UNC5C: variants seen among roughly 807,000 people sequenced by gnomAD.
UNC5C encodes unc-5 netrin receptor C, also known as netrin receptor UNC5C.
A neutral mutation model predicts 99.8 loss-of-function variants in UNC5C; 47 were observed. The ratio of observed to expected loss-of-function variants is 0.47; its 90% CI spans 0.37 to 0.60. UNC5C has a LOEUF of 0.60. Ranked by LOEUF, UNC5C falls within the 20% of genes least tolerant of loss-of-function variation. The pLI, the probability that UNC5C is intolerant of heterozygous loss-of-function variation, is 0.00. For missense variants in UNC5C, 1,062 were observed against 1,165.9 expected (o/e 0.91, Z 1.30); for synonymous variants, 487 against 452.2 (o/e 1.08, Z -0.98).
chr4:95,367,576 C>A (rs528882523), intron 1 of UNC5C, among the ~76,000 whole-genome samples: 4 of 151,866 alleles, frequency 2.6e-5, no homozygotes, highest in Non-Finnish European at 5.9e-5. Flanking sequence ...TTTATACTTA[C>A]CCTCTAAAAA....
intron 1 of UNC5C, among the ~76,000 whole-genome samples, chr4:95,397,322 AC>A: frequency 6.6e-6 from 1 of 152,352 alleles, no homozygotes; most frequent in African/African-American, 2.4e-5. Context: ...AATCTGCACC[AC>A]CCTTGTATTT....
chr4:95,171,807 T>C (rs1395203800), intron 14 of UNC5C, among the ~76,000 whole-genome samples: 1 of 151,530 alleles, frequency 6.6e-6, no homozygotes, highest in Non-Finnish European at 1.5e-5. Flanking sequence ...CCCTGAGGAG[T>C]CGCCACACTG....
chr4:95,316,973 C>T (rs1387786626), intron 2 of UNC5C, among the ~76,000 whole-genome samples: 1 of 52,814 alleles, frequency 1.9e-5, no homozygotes, highest in Non-Finnish European at 3.3e-5. Context: ...AATCTCACTG[C>T]TCAGAAAAAA....
At chr4:95,198,457 T>C (rs1281552451) in intron 12 of UNC5C, among the ~76,000 whole-genome samples, 1 of 152,108 alleles carries the variant, frequency 6.6e-6, no homozygotes, top group African/African-American at 2.4e-5. Flanking sequence ...TGCCAGTGAA[T>C]AGATAATGTA....
chr4:95,447,270 C>T (rs979942087), intron 1 of UNC5C, among the ~76,000 whole-genome samples: 6 of 152,144 alleles, frequency 3.9e-5, no homozygotes, highest in South Asian at 2.1e-4. Context: ...CAGAGAGATA[C>T]GAAATCCAAA....
chr4:95,409,915 A>T (rs1745931219), intron 1 of UNC5C, among the ~76,000 whole-genome samples: 1 of 152,114 alleles, frequency 6.6e-6, no homozygotes. Context: ...CTGGCCTGAC[A>T]TCAATGAGGG....
chr4:95,436,763 G>A (rs1716028979), intron 1 of UNC5C, among the ~76,000 whole-genome samples: 1 of 151,754 alleles, frequency 6.6e-6, no homozygotes, highest in South Asian at 2.1e-4. Flanking sequence ...GAAGGGTGTG[G>A]GAAAGATGCC....
At chr4:95,332,058 A>G (rs190277560) in intron 2 of UNC5C, among the ~76,000 whole-genome samples, 1 of 152,238 alleles carries the variant, frequency 6.6e-6, no homozygotes, top group Non-Finnish European at 1.5e-5. Context: ...CCACTGCTCA[A>G]TGAAATAAAA....
At chr4:95,222,213 A>G (rs1260711169) in intron 7 of UNC5C, 1 of 1,500,092 alleles carries the variant, frequency 6.7e-7, no homozygotes, top group Non-Finnish European at 8.8e-7. Context: ...AACTTACAAG[A>G]AAATCCATAT....
chr4:95,441,084 A>T (rs575086101), intron 1 of UNC5C, among the ~76,000 whole-genome samples: 1 of 152,178 alleles, frequency 6.6e-6, no homozygotes, highest in South Asian at 2.1e-4. Flanking sequence ...GGAATTAAGA[A>T]TTTCTGATTT....
chr4:95,504,478 TA>T (rs1477556344), intron 1 of UNC5C, among the ~76,000 whole-genome samples: 2 of 152,182 alleles, frequency 1.3e-5, no homozygotes, highest in African/African-American at 4.8e-5. Context: ...CACATCTTTG[TA>T]AACTAAACTT....
chr4:95,442,705 AG>A (rs769151844), intron 1 of UNC5C, among the ~76,000 whole-genome samples: 2 of 152,148 alleles, frequency 1.3e-5, no homozygotes, highest in Non-Finnish European at 2.9e-5. Flanking sequence ...TGTCTTATAT[AG>A]AATCAATCAC....
chr4:95,496,859 C>T (rs897275416), intron 1 of UNC5C, among the ~76,000 whole-genome samples: 1 of 151,772 alleles, frequency 6.6e-6, no homozygotes, highest in Non-Finnish European at 1.5e-5. Context: ...CTCCCACCCA[C>T]CAAATCCCTG....
At chr4:95,539,215 C>T (rs983112077) in intron 1 of UNC5C, among the ~76,000 whole-genome samples, 3 of 152,146 alleles carry the variant, frequency 2.0e-5, no homozygotes, top group South Asian at 2.1e-4. Context: ...GCATAAAAGT[C>T]GACAGTCTCC....
intron 7 of UNC5C, among the ~76,000 whole-genome samples, chr4:95,237,986 G>A (rs1739184485): frequency 6.6e-6 from 1 of 152,106 alleles, no homozygotes. Flanking sequence ...AGGTTGCAGT[G>A]AGCCGAGTGC....
Position 95,421,239 on chromosome 4 carries a change from T to C in UNC5C, c.125-85608A>G, listed in dbSNP as rs73838825. Among the ~76,000 whole-genome samples, 210 of 152,320 alleles carry C rather than the reference T, an allele frequency of 1.4e-3. 1 individual carries two copies. The highest frequency in any genetic ancestry group is 4.9e-3 in the African/African-American group (205 of 41,572). On this transcript the variant is annotated intron_variant, in intron 1 of 15. Transcript: ENST00000453304. ...TGACTCTAGTTCCTCTAAAAGTTTC[T>C]TTACTATAGAATAGCTGTAGTATAA...
intron 1 of UNC5C, among the ~76,000 whole-genome samples, chr4:95,534,829 C>T (rs908493508): frequency 6.6e-6 from 1 of 152,038 alleles, no homozygotes; most frequent in South Asian, 2.1e-4. Flanking sequence ...AAATGTAGAA[C>T]TTTGACCTTG....
At chr4:95,461,914 T>G (rs750950227) in intron 1 of UNC5C, among the ~76,000 whole-genome samples, 13 of 152,230 alleles carry the variant, frequency 8.5e-5, no homozygotes, top group Non-Finnish European at 1.8e-4. Flanking sequence ...GAAACATGTA[T>G]TTGCCTGTTT....
In UNC5C at chr4:95,460,939, T is replaced by C. The variant is rs374102013; in HGVS notation, c.124+87795A>G. ...GAGTTCTAACTGCCACATAGGTATA[T>C]GAAAGATGCTTATTATTCACAAAAA... On this transcript the variant is annotated intron_variant, in intron 1 of 15. Transcript: ENST00000453304. 9.3e-4 allele frequency among the ~76,000 whole-genome samples: 142 copies of C among 152,338 alleles called. 5 individuals carry two copies. In the South Asian group the frequency reaches 0.029, roughly 31 times the overall value.
Sources: allele counts gnomAD v4.1 joint callset (sites outside exome capture counted in the v4.1 genomes callset), GRCh38; gene constraint gnomAD v4.1.1; transcripts MANE v1.5; gene names NCBI Gene and HGNC (gene_info 2026-07-23, HGNC 2026-07-21).